CFAP96: variants seen among roughly 807,000 people sequenced by gnomAD.
CFAP96 encodes the protein cilia-and flagella-associated protein 96.
chr4:185,422,515 C>G, the CFAP96 span: 8 of 1,611,476 alleles, frequency 5.0e-6, no homozygotes, highest in Non-Finnish European at 5.9e-6. Flanking sequence ...AAAGCCAAAT[C>G]AAGGCCTCCT....
chr4:185,436,085 A>G, the CFAP96 span: 2 of 1,551,278 alleles, frequency 1.3e-6, no homozygotes, highest in South Asian at 2.4e-5. Context: ...TAGGTGGTCC[A>G]GTCCCATTTT....
the CFAP96 span, among the ~76,000 whole-genome samples, chr4:185,423,725 G>A: frequency 6.6e-6 from 1 of 152,002 alleles, no homozygotes. Flanking sequence ...GGTAGTTGAT[G>A]ATATATCACA....
At chr4:185,444,878 C>T in the CFAP96 span, 1 of 1,314,858 alleles carries the variant, frequency 7.6e-7, no homozygotes, top group Non-Finnish European at 1.0e-6. Context: ...CCACAGACTA[C>T]AAAAATATGT....
the CFAP96 span, among the ~76,000 whole-genome samples, chr4:185,428,105 G>A: frequency 2.0e-5 from 3 of 150,210 alleles, no homozygotes; most frequent in African/African-American, 7.4e-5. Context: ...AAAAAAAATG[G>A]TTCTTACTTT....
At chr4:185,426,199 T>A in the CFAP96 span, 756 of 393,444 alleles carry the variant, frequency 1.9e-3, 5 homozygotes, top group African/African-American at 0.014. Context: ...GAATGGATTC[T>A]CCCGTACCCG....
chr4:185,425,989 G>T, the CFAP96 span: 6 of 1,160,006 alleles, frequency 5.2e-6, no homozygotes, highest in Non-Finnish European at 7.5e-6. Flanking sequence ...TACAACTCCC[G>T]ACATGCTCGG....
the CFAP96 span, among the ~76,000 whole-genome samples, chr4:185,433,130 C>T: frequency 1.3e-5 from 2 of 152,036 alleles, no homozygotes; most frequent in Non-Finnish European, 2.9e-5. Flanking sequence ...TGACAACTGT[C>T]AATGTTCCCT....
At chr4:185,420,702 T>G in the CFAP96 span, among the ~76,000 whole-genome samples, 1 of 152,236 alleles carries the variant, frequency 6.6e-6, no homozygotes, top group African/African-American at 2.4e-5. Context: ...AAGGACTATT[T>G]GGTAAAGTTA....
At chr4:185,439,886 A>G in the CFAP96 span, among the ~76,000 whole-genome samples, 1 of 148,200 alleles carries the variant, frequency 6.7e-6, no homozygotes, top group Non-Finnish European at 1.5e-5. Context: ...TGTTATATAT[A>G]CATATCTCAC....
the CFAP96 span, chr4:185,432,073 C>G: frequency 6.4e-7 from 1 of 1,551,400 alleles, no homozygotes; most frequent in Non-Finnish European, 8.7e-7. Flanking sequence ...ATTTTGATCC[C>G]CATTTTGTAA....
chr4:185,417,969 G>A, the CFAP96 span, among the ~76,000 whole-genome samples: 10 of 151,514 alleles, frequency 6.6e-5, no homozygotes, highest in African/African-American at 2.4e-4. Context: ...ACTTGAACCC[G>A]GGAGGCGGAA....
chr4:185,420,376 TAAG>T, the CFAP96 span, among the ~76,000 whole-genome samples: 5 of 152,188 alleles, frequency 3.3e-5, no homozygotes, highest in African/African-American at 1.2e-4. Flanking sequence ...CAAAACAATA[TAAG>T]AAGATATAGT....
At chr4:185,444,787 T>C in the CFAP96 span, among the ~76,000 whole-genome samples, 1 of 152,208 alleles carries the variant, frequency 6.6e-6, no homozygotes, top group Non-Finnish European at 1.5e-5. Context: ...GATTATGATG[T>C]TTTGACCCTA....
the CFAP96 span, among the ~76,000 whole-genome samples, chr4:185,435,493 G>C: frequency 2.0e-5 from 3 of 152,162 alleles, no homozygotes; most frequent in Admixed American, 2.0e-4. Context: ...GTGCTGGATA[G>C]TAAATACTTT....
chr4:185,440,165 G>C, the CFAP96 span, among the ~76,000 whole-genome samples: 1 of 152,000 alleles, frequency 6.6e-6, no homozygotes, highest in African/African-American at 2.4e-5. Flanking sequence ...AGTTGAAGAA[G>C]ATGTGACACT....
At chr4:185,445,487 C>G in the CFAP96 span, 1 of 1,556,514 alleles carries the variant, frequency 6.4e-7, no homozygotes, top group Non-Finnish European at 8.8e-7. Flanking sequence ...AGTTTCTTAG[C>G]AATCTTGAGG....
chr4:185,421,309 G>A, the CFAP96 span, among the ~76,000 whole-genome samples: 1 of 152,172 alleles, frequency 6.6e-6, no homozygotes, highest in African/African-American at 2.4e-5. Context: ...CTCCTTCAAG[G>A]AATGCTGGTA....
chr4:185,415,452 C>T, the CFAP96 span: 3 of 1,012,162 alleles, frequency 3.0e-6, no homozygotes, highest in Non-Finnish European at 4.1e-6. Flanking sequence ...CTTGATTGGA[C>T]CAGGTTTGCT....
At chr4:185,413,615 A>G in the CFAP96 span, 2 of 1,057,762 alleles carry the variant, frequency 1.9e-6, no homozygotes, top group Non-Finnish European at 2.7e-6. Context: ...GTGATAAATC[A>G]TGTTTTAGGA....
Sources: gnomAD v4.1 joint callset for allele counts (sites outside exome capture counted in the v4.1 genomes callset) on GRCh38, gnomAD v4.1.1 for gene constraint, MANE v1.5 for transcripts, NCBI Gene and HGNC (gene_info 2026-07-23, HGNC 2026-07-21) for gene names.